CRISP2: variants seen among roughly 807,000 people sequenced by gnomAD.
The protein encoded by CRISP2 is cysteine rich secretory protein 2, also known as cysteine-rich secretory protein 2.
In CRISP2, 29 loss-of-function variants were observed where a neutral mutation model predicts 31.7. The ratio of observed to expected loss-of-function variants is 0.92; its 90% CI spans 0.68 to 1.25. The LOEUF (loss-of-function observed/expected upper bound fraction) is 1.25. CRISP2 is among the 50% of genes most tolerant of loss of function. The pLI is 0.00. For synonymous variants in CRISP2, 111 were observed against 101.4 expected, an observed-to-expected ratio of 1.09 and a Z score of -0.57; for missense variants, 318 against 286.5, an observed-to-expected ratio of 1.11 and a Z score of -0.79.
Position 49,698,452 on chromosome 6 carries a change from A to G in CRISP2, c.327T>C (p.Ser109=), listed in dbSNP as rs1315390963. The G allele has an allele frequency of 6.2e-7, 1 of 1,613,456 alleles. No individual in the cohort carries two copies. The highest frequency in any genetic ancestry group is 1.3e-5 in the African/African-American group (1 of 75,008). ...TCTCGTCATACCAGCTTTGGATTGC[A>G]GAAGACCAGGAAGTAGGGTCACTTG... ...YMSSDPTSWS[S]AIQSWYDEIL... is the part of the protein sequence containing the mutation. The change falls in exon 7 of 10, where the codon TCT becomes TCC. Residue 109 remains serine (S), a synonymous_variant. Coordinates refer to ENST00000339139, the MANE Select transcript of CRISP2 (RefSeq NM_003296.4).
At chr6:49,705,586 G>T (rs1440477951) in intron 4 of CRISP2, among the ~76,000 whole-genome samples, 1 of 152,148 alleles carries the variant, frequency 6.6e-6, no homozygotes, top group Admixed American at 6.5e-5. Flanking sequence ...ACAAAGTTCA[G>T]CTGGAAGTCT....
rs1189655480 is a variant in CRISP2 at position 49,709,152 on chromosome 6, T to C, written c.45A>G (p.Pro15=). 1.2e-6 allele frequency: 2 copies of C among 1,613,796 alleles called. No homozygotes were observed. Among genetic ancestry groups the C allele is most frequent in the Non-Finnish European group, 1.7e-6 (2 of 1,179,910 alleles). Residue 15 remains proline, a synonymous_variant, in exon 4 of 10, where the codon CCA becomes CCG. Transcript: ENST00000339139. ...TTACCTTTCCTTCTGCAGGTAAAGA[T>C]GGAAGCAGCACAGTAACCAGAAACA... ...PVLFLVTVLL[P]SLPAEGKDPA...
At chr6:49,689,555 TA>T (rs1449352604), downstream of CRISP2, among the ~76,000 whole-genome samples, 1 of 152,118 alleles carries the variant, frequency 6.6e-6, no homozygotes, top group Non-Finnish European at 1.5e-5. Context: ...CTAATTAGTT[TA>T]ATGAGATGAC....
At position 49,699,500 on chromosome 6, in the gene CRISP2, G is replaced by A. The variant is rs550228207; in HGVS notation, c.271+304C>T. Among the ~76,000 whole-genome samples, 255 of 152,066 alleles carry A rather than the reference G, an allele frequency of 1.7e-3. 1 individual carries two copies. The highest frequency in any genetic ancestry group is 3.3e-3 in the South Asian group (16 of 4,822). On this transcript the variant is annotated intron_variant, in intron 6 of 9. Transcript: ENST00000339139. The stretch of plus-strand genomic sequence containing the variant: ...TGTTTCAGATTATGTTCTTGGGTAA[G>A]TCACTTTTCTTTCAAATTCTGGCTT...
chr6:49,683,150 C>T, the CRISP2 span, among the ~76,000 whole-genome samples: 11 of 135,898 alleles, frequency 8.1e-5, no homozygotes, highest in African/African-American at 2.5e-4. Context: ...ATGAGTGAAA[C>T]TCCATCTCAA....
chr6:49,681,446 T>G, the CRISP2 span, among the ~76,000 whole-genome samples: 1 of 152,106 alleles, frequency 6.6e-6, no homozygotes, highest in Non-Finnish European at 1.5e-5. Flanking sequence ...TCAACTAGAT[T>G]AAGATATCCA....
chr6:49,699,743 C>A, intron 6 of CRISP2, 61 bp downstream of exon 6: 1 of 1,171,450 alleles, frequency 8.5e-7, no homozygotes. Context: ...GAGCATCCTA[C>A]AATGCTCTAT....
chr6:49,691,946 A>T (rs1163778814), downstream of CRISP2, among the ~76,000 whole-genome samples: 2 of 152,124 alleles, frequency 1.3e-5, no homozygotes, highest in Non-Finnish European at 2.9e-5. Flanking sequence ...AAAAAGTTTT[A>T]GTATATGTTT....
At chr6:49,693,735 GT>G (rs1374297192) in intron 9 of CRISP2, among the ~76,000 whole-genome samples, 3 of 151,950 alleles carry the variant, frequency 2.0e-5, no homozygotes, top group Non-Finnish European at 2.9e-5. Context: ...ACCATCTAAT[GT>G]TTTTTTCAGT....
At chr6:49,686,175 T>C in the CRISP2 span, among the ~76,000 whole-genome samples, 1,009 of 152,366 alleles carry the variant, frequency 6.6e-3, 12 homozygotes, top group African/African-American at 0.022. Context: ...ATACTGAAGA[T>C]ACGTCCATAT....
At chr6:49,713,936 G>T (rs1339705235), upstream of CRISP2, among the ~76,000 whole-genome samples, 1 of 152,144 alleles carries the variant, frequency 6.6e-6, no homozygotes, top group Non-Finnish European at 1.5e-5. Flanking sequence ...TTTGCAGTGC[G>T]CTGCCAGTGT....
At chr6:49,709,453 A>T (rs1365263949) in intron 3 of CRISP2, among the ~76,000 whole-genome samples, 1 of 152,172 alleles carries the variant, frequency 6.6e-6, no homozygotes, top group Non-Finnish European at 1.5e-5. Flanking sequence ...TACATCTATA[A>T]AAGAGAGAGA....
chr6:49,701,910 T>A (rs1201067522), intron 4 of CRISP2, among the ~76,000 whole-genome samples: 1 of 31,002 alleles, frequency 3.2e-5, no homozygotes, highest in African/African-American at 1.6e-4. Flanking sequence ...TATTATGTAT[T>A]ATATATTATA....
chr6:49,684,974 C>T, the CRISP2 span, among the ~76,000 whole-genome samples: 3 of 152,296 alleles, frequency 2.0e-5, no homozygotes, highest in African/African-American at 7.2e-5. Context: ...ACTCTCTACT[C>T]CAGCCTCTTT....
At chr6:49,704,956 C>T (rs538042236) in intron 4 of CRISP2, among the ~76,000 whole-genome samples, 24 of 152,142 alleles carry the variant, frequency 1.6e-4, no homozygotes, top group Admixed American at 7.2e-4. Context: ...TGTAACAGCT[C>T]GAGTTGGTTT....
At position 49,698,368 on chromosome 6, in the gene CRISP2, A is replaced by G; in HGVS notation, c.411T>C (p.Tyr137=). The G allele has an allele frequency of 1.2e-6, 2 of 1,613,066 alleles. No homozygotes were observed. The highest frequency in any genetic ancestry group is 1.7e-6 in the Non-Finnish European group (2 of 1,179,504). Residue 137 remains tyrosine (Y), a synonymous_variant, in exon 7 of 10, where the codon TAT becomes TAC. Transcript: ENST00000339139. ...TTTCATGCATTCTTCTTACCTGAGT[A>G]TAATGTCCAACAACTGCATTGGGAC... The part of the protein sequence containing the change: ...PKSPNAVVGH[Y]TQLVWYSTYQ...
At chr6:49,714,219 G>T (rs1364885155), upstream of CRISP2, among the ~76,000 whole-genome samples, 1 of 152,192 alleles carries the variant, frequency 6.6e-6, no homozygotes, top group East Asian at 1.9e-4. Context: ...ATTCACAGTT[G>T]TTTTCAAAGC....
chr6:49,686,354 A>G, the CRISP2 span, among the ~76,000 whole-genome samples: 1 of 152,220 alleles, frequency 6.6e-6, no homozygotes, highest in Non-Finnish European at 1.5e-5. Flanking sequence ...TTCTTGGAAC[A>G]ACAATATGAA....
At position 49,692,584 on chromosome 6, in the gene CRISP2, GTCA is replaced by G. The variant is rs1331998513; in HGVS notation, c.*186_*188del. The G allele has an allele frequency of 7.9e-6, 4 of 508,050 alleles. No homozygotes were observed. The Admixed American group carries it at 1.4e-4, about 18-fold the overall frequency. The allele number at this position is 508,050 out of a possible 1,614,324, so 31.5% of individuals were successfully genotyped here. On this transcript the variant is annotated 3_prime_UTR_variant, in exon 10 of 10. Coordinates refer to ENST00000339139, the MANE Select transcript of CRISP2 (RefSeq NM_003296.4). ...TAAATTTATGTCAGAGTTCACAGTT[GTCA>G]TCATCTACTATGCTACTTTTGTAAA...
Sources: gnomAD v4.1 joint callset for allele counts (sites outside exome capture counted in the v4.1 genomes callset) on GRCh38, gnomAD v4.1.1 for gene constraint, MANE v1.5 for transcripts, NCBI Gene and HGNC (gene_info 2026-07-23, HGNC 2026-07-21) for gene names.